The following NOTCH3 variants were observed in gnomAD, a reference collection of about 807,000 sequenced individuals.
NOTCH3 encodes notch receptor 3.
A neutral mutation model predicts 213.3 loss-of-function variants in NOTCH3; 86 were observed. The ratio of observed to expected loss-of-function variants is 0.40; its 90% CI spans 0.34 to 0.48. The LOEUF (loss-of-function observed/expected upper bound fraction) is 0.48, where lower values mean the gene tolerates loss of function less well. Among genes scored for constraint, NOTCH3 ranks in the 20% least tolerant of loss-of-function variants. The pLI, the probability that NOTCH3 is intolerant of heterozygous loss-of-function variation, is 0.57. For synonymous variants in NOTCH3, 1,354 were observed against 1,355.9 expected (o/e 1.00, Z 0.03); for missense variants, 2,783 against 3,272.6 (o/e 0.85, Z 3.65).
intron 25 of NOTCH3, 26 bp downstream of exon 25, chr19:15,174,042 C>A (rs1334409831): frequency 6.5e-7 from 1 of 1,532,444 alleles, no homozygotes. Flanking sequence ...CCAGCCACCA[C>A]GGCTTTTCCA....
rs1350139687 is a variant in NOTCH3, at chr19:15,178,044, T to G, written c.3884A>C (p.Glu1295Ala). 2 of 1,517,496 alleles carry G rather than the reference T, an allele frequency of 1.3e-6. No homozygotes were observed. Among genetic ancestry groups the G allele is most frequent in the Non-Finnish European group, 1.8e-6 (2 of 1,138,632 alleles). 94.0% of individuals were successfully genotyped at this position (1,517,496 alleles called of 1,614,324 possible). A position where few individuals can be genotyped will look rare whatever the true frequency, so the allele number is the denominator to read the frequency against. ...TGGGACGCCCACCGGGCACTGCAGC[T>G]CCCGGCAGGAGCGCGCCACCCGCTC... ...RCERVARSCR[E>A]LQCPVGVPCQ... Residue 1295 changes from glutamate (E) to alanine (A), a missense_variant, in exon 24 of 33, where the codon GAG (glutamate) becomes GCG (alanine). Physicochemically the swap from Glu to Ala is moderately radical, Grantham distance 107. Around this residue, in one of 6 missense-constraint regions of NOTCH3, gnomAD observed 861 missense variants for 909.1 expected, o/e 0.95. Transcript: ENST00000263388.
rs2046676493 is a variant in NOTCH3 at position 15,165,324 on chromosome 19, G to A, written c.5815+44C>T. ...GCACCAACATGACCCTCAGGGCCCAGGTGACACCAACCCAGCTTAGACTTG... is the reference window on the plus strand; with the variant it reads ...GCACCAACATGACCCTCAGGGCCCAAGTGACACCAACCCAGCTTAGACTTG... On this transcript the variant is annotated intron_variant, in intron 31 of 32. Transcript: ENST00000263388. This position sits in a 1 kb window ranked among gnomAD's most constrained non-coding sequence, Gnocchi z 4.7. 3 of 1,593,704 alleles carry A rather than the reference G, an allele frequency of 1.9e-6. No individual in the cohort carries two copies. Among genetic ancestry groups the A allele is most frequent in the Non-Finnish European group, 2.6e-6 (3 of 1,173,818 alleles).
intron 1 of NOTCH3, among the ~76,000 whole-genome samples, chr19:15,197,876 C>G (rs1247497424): frequency 3.3e-5 from 5 of 152,090 alleles, no homozygotes; most frequent in African/African-American, 1.2e-4. Flanking sequence ...GCTGCCAGAG[C>G]TAAGATGTGC....
chr19:15,167,659 T>A (rs998447471), intron 28 of NOTCH3, among the ~76,000 whole-genome samples: 3 of 152,170 alleles, frequency 2.0e-5, no homozygotes, highest in Admixed American at 2.0e-4. Flanking sequence ...GTTCAAGTGA[T>A]TCTCCTGCCT....
chr19:15,172,936 C>T (rs576797827), intron 25 of NOTCH3, among the ~76,000 whole-genome samples: 6 of 149,152 alleles, frequency 4.0e-5, no homozygotes, highest in African/African-American at 1.2e-4. Context: ...GGATTACAGG[C>T]GTGAGCCACC....
At position 15,184,900 on chromosome 19, in the gene NOTCH3, G is replaced by C. The variant is rs1479891295; in HGVS notation, c.2410+6C>G. 25 of 1,485,684 alleles carry C rather than the reference G, an allele frequency of 1.7e-5. No homozygotes were observed. Among genetic ancestry groups the C allele is most frequent in the Non-Finnish European group, 9.2e-7 (1 of 1,087,482 alleles). 92.0% of individuals were successfully genotyped at this position (1,485,684 alleles called of 1,614,324 possible). ...GAGGAGGAGGGAAGAGAAGCAGGTG[G>C]CATACCTTGCCAGCCCTGGGGGCAG... On this transcript the variant is annotated splice_donor_region_variant and intron_variant, in intron 15 of 32. Coordinates refer to ENST00000263388, the MANE Select transcript of NOTCH3 (RefSeq NM_000435.3).
chr19:15,174,477 G>T (rs368273331), intron 24 of NOTCH3, 77 bp from the exon 25 acceptor site: 1 of 1,063,848 alleles, frequency 9.4e-7, no homozygotes, highest in Admixed American at 2.5e-5. Flanking sequence ...CATTCACACC[G>T]TAGAGTACAG....
At position 15,165,667 on chromosome 19, in the gene NOTCH3, C is replaced by T; in HGVS notation, c.5667+120G>A. 2.2e-6 allele frequency: 3 copies of T among 1,340,820 alleles called. No homozygotes were observed. Among genetic ancestry groups the T allele is most frequent in the Non-Finnish European group, 3.1e-6 (3 of 967,476 alleles). 83.1% of individuals were successfully genotyped at this position (1,340,820 alleles called of 1,614,324 possible). On this transcript the variant is annotated intron_variant, in intron 30 of 32. Coordinates refer to ENST00000263388, the MANE Select transcript of NOTCH3 (RefSeq NM_000435.3). This position sits in a 1 kb window ranked among gnomAD's most constrained non-coding sequence, Gnocchi z 4.7. ...CAGCTGCTTGACAGATACTGTATTC[C>T]CATATATCCCCATTTTCCAAATGAG...
At position 15,193,263 on chromosome 19, in the gene NOTCH3, G is replaced by C. The variant is rs149581495; in HGVS notation, c.198-744C>G. Among the ~76,000 whole-genome samples, 120 of 151,032 alleles carry C rather than the reference G, an allele frequency of 7.9e-4. 1 individual carries two copies. The East Asian group carries it at 0.022, about 28-fold the overall frequency. ...TAATTTTTTTTTTTTAAGAGACGGAGTCTTGCTCTGTCACCCAGGCTGCAG... is the reference window on the plus strand; with the variant it reads ...TAATTTTTTTTTTTTAAGAGACGGACTCTTGCTCTGTCACCCAGGCTGCAG... On this transcript the variant is annotated intron_variant, in intron 2 of 32. Coordinates refer to ENST00000263388, the MANE Select transcript of NOTCH3 (RefSeq NM_000435.3).
chr19:15,192,623 AAC>A (rs1257712460), intron 2 of NOTCH3, 104 bp from the exon 3 acceptor site: 11 of 1,471,678 alleles, frequency 7.5e-6, no homozygotes, highest in African/African-American at 1.4e-5. Flanking sequence ...CAGAGCAGCA[AAC>A]ACACATTTGC....
chr19:15,180,539 TCACACACCCACACCACTCAGC>T, intron 19 of NOTCH3, 121 bp downstream of exon 19: 1 of 1,027,260 alleles, frequency 9.7e-7, no homozygotes, highest in Non-Finnish European at 1.4e-6. Flanking sequence ...TGTCACATGC[TCACACACCCACACCACTCAGC>T]CACACACCCC....
chr19:15,181,451 A>T, intron 17 of NOTCH3, 125 bp downstream of exon 17: 1 of 798,376 alleles, frequency 1.3e-6, no homozygotes, highest in Non-Finnish European at 2.0e-6. Context: ...CCCATCAGTC[A>T]TCAGAGTCCG....
chr19:15,180,746 G>A lies in NOTCH3; in HGVS notation c.3077C>T (p.Pro1026Leu), dbSNP rs1318439176. The change falls in exon 19 of 33, where the codon CCT (proline) becomes CTT (leucine). Residue 1026 changes from proline to leucine, a missense_variant. This residue lies in a region of NOTCH3 where 861 missense variants were observed against 909.1 expected (regional missense o/e 0.95). Coordinates refer to ENST00000263388, the MANE Select transcript of NOTCH3 (RefSeq NM_000435.3). The part of the protein sequence containing the change: ...VQTGAYCLCP[P>L]GWSGRLCDIR... ...GTCACAGAGGCGTCCGCTCCATCCA[G>A]GGGGACAAAGGCAATAGGCCCCAGT... 6.3e-7 allele frequency: 1 copy of A among 1,590,644 alleles called. No individual in the cohort carries two copies. Among genetic ancestry groups the A allele is most frequent in the African/African-American group, 1.3e-5 (1 of 74,738 alleles).
chr19:15,178,182 G>A lies in NOTCH3; in HGVS notation c.3838-92C>T, dbSNP rs1387982438. ...AAATGGAGGAGTGGGGAAAAGAAGA[G>A]TCAAGGGGAGAGAGGGGGAAGAGAA... On this transcript the variant is annotated intron_variant, in intron 23 of 32. Transcript: ENST00000263388. 7 of 766,326 alleles carry A rather than the reference G, an allele frequency of 9.1e-6. No homozygotes were observed. The Admixed American group carries it at 9.8e-5, about 11-fold the overall frequency. The allele number at this position is 766,326 out of a possible 1,614,324, so 47.5% of individuals were successfully genotyped here.
intron 31 of NOTCH3, among the ~76,000 whole-genome samples, chr19:15,163,003 A>G (rs1207412825): frequency 1.3e-5 from 2 of 152,114 alleles, no homozygotes; most frequent in Non-Finnish European, 2.9e-5. Flanking sequence ...TGCTGGGCTC[A>G]GGCGATTTTC....
Position 15,177,847 on chromosome 19 carries a change from A to G in NOTCH3, c.4081T>C (p.Cys1361Arg). The change falls in exon 24 of 33, where the codon TGC (cysteine) becomes CGC (arginine). Residue 1361 changes from cysteine to arginine, a missense_variant. By Grantham distance (180) the Cys-to-Arg change is radical (BLOSUM62 -3). This residue lies in a region of NOTCH3 where 133 missense variants were observed against 201.9 expected (regional missense o/e 0.66). Transcript: ENST00000263388. ...CCGGTCCAGCCCTGCGCGCAAGCGC[A>G]GCGGAAGAAGGGCGCGAGCGGCGCG... Reference protein sequence around the residue: ...RPAPLAPFFRCACAQGWTGPR... With the variant: ...RPAPLAPFFRRACAQGWTGPR... 1 of 1,220,088 alleles carries G rather than the reference A, an allele frequency of 8.2e-7. No homozygotes were observed. Among genetic ancestry groups the G allele is most frequent in the Middle Eastern group, 3.2e-4 (1 of 3,092 alleles). The allele number at this position is 1,220,088 out of a possible 1,614,324, so 75.6% of individuals were successfully genotyped here.
chr19:15,165,467 C>T lies in NOTCH3; in HGVS notation c.5716G>A (p.Gly1906Ser), dbSNP rs989907322. The change falls in exon 31 of 33, where the codon GGC becomes AGC. Residue 1906 changes from glycine (G) to serine (S), a missense_variant. Gly to Ser is a moderately conservative substitution (Grantham distance 56). This residue lies in a region of NOTCH3 where 636 missense variants were observed against 801.8 expected (regional missense o/e 0.79). Coordinates refer to ENST00000263388, the MANE Select transcript of NOTCH3 (RefSeq NM_000435.3). The surrounding 1 kb of genome is among the most constrained non-coding windows in gnomAD (Gnocchi z 4.7). The stretch of plus-strand genomic sequence containing the variant: ...GCCGCCAGGATCAGTGCCGTTGAGC[C>T]ATCTGCCATGCGGGCATCCAAGTCT... Reference protein sequence around the residue: ...STDLDARMADGSTALILAARL... With the variant: ...STDLDARMADSSTALILAARL... 3.7e-6 allele frequency: 6 copies of T among 1,613,092 alleles called. No individual in the cohort carries two copies. The highest frequency in any genetic ancestry group is 5.1e-6 in the Non-Finnish European group (6 of 1,180,034).
In NOTCH3 at chr19:15,180,681, C is replaced by A. The variant is rs764352557; in HGVS notation, c.3142G>T (p.Gly1048Trp). The change falls in exon 19 of 33, where the codon GGG (glycine) becomes TGG (tryptophan). Residue 1048 changes from glycine (G) to tryptophan (W), a missense_variant and splice_region_variant. This residue lies in a region of NOTCH3 where 861 missense variants were observed against 909.1 expected (regional missense o/e 0.95). Coordinates refer to ENST00000263388, the MANE Select transcript of NOTCH3 (RefSeq NM_000435.3). ...CGCCCGCCCACATGCTCCCACTCAC[C>A]GATCTGGGCTGCGGCCTCCCTGCAG... Reference protein sequence around the residue: ...LPCREAAAQIGVRLEQLCQAG... With the variant: ...LPCREAAAQIWVRLEQLCQAG... 1 of 1,551,794 alleles carries A rather than the reference C, an allele frequency of 6.4e-7. No homozygotes were observed. Among genetic ancestry groups the A allele is most frequent in the Non-Finnish European group, 8.7e-7 (1 of 1,149,920 alleles).
At chr19:15,171,684 GT>G (rs1051428847) in intron 25 of NOTCH3, among the ~76,000 whole-genome samples, 3 of 152,080 alleles carry the variant, frequency 2.0e-5, no homozygotes, top group Non-Finnish European at 4.4e-5. Flanking sequence ...TTTGTTTTTT[GT>G]TTTTGAGATG....
Sources: gnomAD v4.1 joint callset for allele counts (sites outside exome capture counted in the v4.1 genomes callset) on GRCh38, gnomAD v4.1.1 for gene constraint, gnomAD v4.1.1 regional missense constraint, Gnocchi (gnomAD v3.1) non-coding constraint, MANE v1.5 for transcripts, NCBI Gene and HGNC (gene_info 2026-07-23, HGNC 2026-07-21) for gene names.